NFE2L3: variants seen among roughly 807,000 people sequenced by gnomAD.
NFE2L3 encodes the protein nuclear factor erythroid 2-related factor 3.
A neutral mutation model predicts 23.5 loss-of-function variants in NFE2L3; 18 were observed. The ratio of observed to expected loss-of-function variants is 0.77; its 90% CI spans 0.53 to 1.13. The LOEUF (loss-of-function observed/expected upper bound fraction) is 1.13, where lower values mean the gene tolerates loss of function less well. Among genes scored for constraint, NFE2L3 ranks in the 50% most tolerant of loss-of-function variants. The pLI is 0.00. For synonymous variants in NFE2L3, 424 were observed against 354.5 expected, an observed-to-expected ratio of 1.20 and a Z score of -2.20; for missense variants, 1,152 against 877.2, an observed-to-expected ratio of 1.31 and a Z score of -3.96.
At chr7:26,169,533 T>C (rs997565854) in intron 1 of NFE2L3, among the ~76,000 whole-genome samples, 2 of 152,204 alleles carry the variant, frequency 1.3e-5, no homozygotes, top group Admixed American at 1.3e-4. Context: ...CCCACAGGTA[T>C]GTGGGAATAG....
At chr7:26,171,173 A>G (rs1166748687) in intron 1 of NFE2L3, among the ~76,000 whole-genome samples, 1 of 152,230 alleles carries the variant, frequency 6.6e-6, no homozygotes, top group Non-Finnish European at 1.5e-5. Flanking sequence ...TCCTACTTGC[A>G]CACGTGTGCA....
intron 2 of NFE2L3, among the ~76,000 whole-genome samples, chr7:26,180,009 G>A (rs1414245107): frequency 6.6e-6 from 1 of 152,028 alleles, no homozygotes; most frequent in Admixed American, 6.6e-5. Context: ...AATGTTCCGT[G>A]GTATACATGC....
At chr7:26,172,620 T>C (rs1784342724) in intron 1 of NFE2L3, among the ~76,000 whole-genome samples, 1 of 152,244 alleles carries the variant, frequency 6.6e-6, no homozygotes, top group African/African-American at 2.4e-5. Flanking sequence ...TCTTCACCTT[T>C]AGATTGTTGA....
At chr7:26,166,139 G>T (rs1295371303) in intron 1 of NFE2L3, among the ~76,000 whole-genome samples, 1 of 151,668 alleles carries the variant, frequency 6.6e-6, no homozygotes, top group African/African-American at 2.4e-5. Flanking sequence ...GGTGGGGCGG[G>T]GGGGAAAGAA....
chr7:26,181,065 C>T (rs1475172109), intron 2 of NFE2L3, among the ~76,000 whole-genome samples: 2 of 152,066 alleles, frequency 1.3e-5, no homozygotes, highest in South Asian at 2.1e-4. Context: ...CAGCCTAAAC[C>T]TCCTGGGCTC....
chr7:26,177,381 G>A (rs1048229747), intron 1 of NFE2L3, among the ~76,000 whole-genome samples: 10 of 152,218 alleles, frequency 6.6e-5, no homozygotes, highest in Non-Finnish European at 1.0e-4. Context: ...CAGATCACTC[G>A]AGGTCAGGAG....
chr7:26,152,665 C>T lies in NFE2L3; in HGVS notation c.167C>T (p.Ala56Val). The change falls in exon 1 of 4, where the codon GCC becomes GTC. Residue 56 changes from alanine (A) to valine (V), a missense_variant. Physicochemically the swap from Ala to Val is moderately conservative, Grantham distance 64. Coordinates refer to ENST00000056233, the MANE Select transcript of NFE2L3 (RefSeq NM_004289.7). This position sits in a 1 kb window ranked among gnomAD's most constrained non-coding sequence, Gnocchi z 4.4. ...LLFLGGPASSAYALSPFSASG... is the reference protein window; with the variant it reads ...LLFLGGPASSVYALSPFSASG... ...TTCCTGGGCGGCCCGGCCAGCTCCGCCTACGCGCTCAGCCCCTTCTCGGCC... is the reference window on the plus strand; with the variant it reads ...TTCCTGGGCGGCCCGGCCAGCTCCGTCTACGCGCTCAGCCCCTTCTCGGCC... 6.7e-7 allele frequency: 1 copy of T among 1,491,970 alleles called. No homozygotes were observed. The highest frequency in any genetic ancestry group is 1.3e-5 in the South Asian group (1 of 79,230). The allele number at this position is 1,491,970 out of a possible 1,614,324, so 92.4% of individuals were successfully genotyped here.
At position 26,152,262 on chromosome 7, in the gene NFE2L3, C is replaced by T. The variant is rs913762833; in HGVS notation, c.-237C>T. 1.7e-5 allele frequency: 4 copies of T among 231,926 alleles called. No homozygotes were observed. The highest frequency in any genetic ancestry group is 1.1e-4 in the Admixed American group (2 of 17,676). The allele number at this position is 231,926 out of a possible 1,614,324, so 14.4% of individuals were successfully genotyped here. A position where few individuals can be genotyped will look rare whatever the true frequency, so the allele number is the denominator to read the frequency against. ...AACGGGCTCGGCGCTCAGGTGGCTC[C>T]TTCTTCGCTTCTCCCGATCCCCGGC... On this transcript the variant is annotated 5_prime_UTR_variant, in exon 1 of 4. Transcript: ENST00000056233. The surrounding 1 kb of genome is among the most constrained non-coding windows in gnomAD (Gnocchi z 4.4).
intron 1 of NFE2L3, among the ~76,000 whole-genome samples, chr7:26,170,672 A>ATCCCCTTG (rs1165213814): frequency 6.6e-6 from 1 of 152,226 alleles, no homozygotes; most frequent in Non-Finnish European, 1.5e-5. Context: ...ATTTCTTTCA[A>ATCCCCTTG]ATATTCCAAG....
intron 1 of NFE2L3, among the ~76,000 whole-genome samples, chr7:26,171,176 C>A (rs905819395): frequency 6.6e-6 from 1 of 152,160 alleles, no homozygotes; most frequent in Non-Finnish European, 1.5e-5. Flanking sequence ...TACTTGCACA[C>A]GTGTGCAAAG....
intron 1 of NFE2L3, among the ~76,000 whole-genome samples, chr7:26,160,082 T>C: frequency 6.6e-6 from 1 of 151,644 alleles, no homozygotes; most frequent in Admixed American, 6.6e-5. Context: ...GTCTCCCAAG[T>C]GGCTGGGATC....
In NFE2L3 at chr7:26,185,977, G is replaced by A. The variant is rs1782474317; in HGVS notation, c.*194G>A. 2 of 493,298 alleles carry A rather than the reference G, an allele frequency of 4.1e-6. No homozygotes were observed. Among genetic ancestry groups the A allele is most frequent in the African/African-American group, 2.0e-5 (1 of 50,644 alleles). 30.6% of individuals were successfully genotyped at this position (493,298 alleles called of 1,614,324 possible). On this transcript the variant is annotated 3_prime_UTR_variant, in exon 4 of 4. Coordinates refer to ENST00000056233, the MANE Select transcript of NFE2L3 (RefSeq NM_004289.7). ...CAAGATCACACTTGTGGGCAATCTG[G>A]GGGAGCCACAACTTTTCATGAAGTG...
chr7:26,158,085 G>A (rs1287644736), intron 1 of NFE2L3, among the ~76,000 whole-genome samples: 1 of 151,792 alleles, frequency 6.6e-6, no homozygotes, highest in African/African-American at 2.4e-5. Flanking sequence ...ATCTTGCTCT[G>A]TCTCCCAGGC....
Position 26,184,667 on chromosome 7 carries a change from C to T in NFE2L3, c.969C>T (p.Pro323=), listed in dbSNP as rs775038961. The T allele has an allele frequency of 1.4e-5, 22 of 1,613,836 alleles. No individual in the cohort carries two copies. Among genetic ancestry groups the T allele is most frequent in the South Asian group, 1.2e-4 (11 of 91,066 alleles). ...VNLHEAILLC[P]NNTFRRDPTA... is the part of the protein sequence containing the mutation. The stretch of plus-strand genomic sequence containing the variant: ...TTCATGAGGCCATCTTGCTTTGTCC[C>T]AACAATACATTTAGAAGAGATCCAA... The change falls in exon 4 of 4, where the codon CCC becomes CCT. Residue 323 remains proline, a synonymous_variant. Coordinates refer to ENST00000056233, the MANE Select transcript of NFE2L3 (RefSeq NM_004289.7).
intron 3 of NFE2L3, chr7:26,184,264 T>C (rs1003763939): frequency 1.0e-4 from 43 of 416,918 alleles, no homozygotes; most frequent in Non-Finnish European, 1.8e-4. Flanking sequence ...AATTACAAGA[T>C]TGTAACATTA....
At chr7:26,181,581 T>A (rs1784510731) in intron 2 of NFE2L3, among the ~76,000 whole-genome samples, 1 of 152,084 alleles carries the variant, frequency 6.6e-6, no homozygotes, top group Non-Finnish European at 1.5e-5. Context: ...TGGAAAATGA[T>A]ATAAACACTG....
At chr7:26,169,267 GT>G (rs1562672606) in intron 1 of NFE2L3, among the ~76,000 whole-genome samples, 1 of 152,236 alleles carries the variant, frequency 6.6e-6, no homozygotes, top group Non-Finnish European at 1.5e-5. Context: ...TGCCTTTAGT[GT>G]GAAGGAGGTT....
At position 26,179,614 on chromosome 7, in the gene NFE2L3, G is replaced by A. The variant is rs1194625859; in HGVS notation, c.750+1492G>A. Among the ~76,000 whole-genome samples the A allele has an allele frequency of 5.9e-5, 9 of 152,258 alleles. 1 individual carries two copies. The highest frequency in any genetic ancestry group is 6.8e-3 in the Middle Eastern group (2 of 294). On this transcript the variant is annotated intron_variant, in intron 2 of 3. Coordinates refer to ENST00000056233, the MANE Select transcript of NFE2L3 (RefSeq NM_004289.7). ...CCAGCTGTTTGGCAGGCTGAGGTGG[G>A]AGGATCACTTGAGCCTGGGAAGTTG...
intron 1 of NFE2L3, among the ~76,000 whole-genome samples, chr7:26,169,655 T>C (rs1784306443): frequency 6.6e-6 from 1 of 152,240 alleles, no homozygotes; most frequent in Admixed American, 6.5e-5. Flanking sequence ...GTTGTGTTTA[T>C]TATATTTGCT....
Sources: gnomAD v4.1 joint callset for allele counts (sites outside exome capture counted in the v4.1 genomes callset) on GRCh38, gnomAD v4.1.1 for gene constraint, Gnocchi (gnomAD v3.1) non-coding constraint, MANE v1.5 for transcripts, NCBI Gene and HGNC (gene_info 2026-07-23, HGNC 2026-07-21) for gene names.